Variants in ELOB observed in about 807,000 individuals in gnomAD.
ELOB encodes the protein elongin B, also known as elongin-B.
ELOB carries 3 observed loss-of-function variants against 12.9 expected under a neutral mutation model. The observed-to-expected ratio is 0.23, with a 90% CI of 0.11 to 0.60. ELOB has a LOEUF of 0.60. ELOB is among the 20% of genes least tolerant of loss of function. ELOB has a pLI of 0.89. For synonymous variants in ELOB, 84 were observed against 67.4 expected, an observed-to-expected ratio of 1.25 and a Z score of -1.21; for missense variants, 126 against 159.2, an observed-to-expected ratio of 0.79 and a Z score of 1.12.
intron 2 of ELOB, 75 bp from the exon 3 acceptor site, chr16:2,775,631 CG>C: frequency 8.1e-7 from 1 of 1,233,508 alleles, no homozygotes; most frequent in Non-Finnish European, 1.1e-6. Context: ...AGCAACTACA[CG>C]GGAAGTCAGA....
intron 2 of ELOB, 41 bp downstream of exon 2, chr16:2,776,952 C>A: frequency 6.5e-7 from 1 of 1,533,068 alleles, no homozygotes; most frequent in Non-Finnish European, 8.8e-7. Context: ...CCGTGCCCGG[C>A]GCCGGGTACC....
chr16:2,773,337 G>A (rs2068780089), intron 3 of ELOB, among the ~76,000 whole-genome samples: 1 of 152,122 alleles, frequency 6.6e-6, no homozygotes. Flanking sequence ...AACCCACACA[G>A]CAATCCAGCC....
At chr16:2,775,934 C>T (rs922425589) in intron 2 of ELOB, among the ~76,000 whole-genome samples, 1 of 152,124 alleles carries the variant, frequency 6.6e-6, no homozygotes, top group African/African-American at 2.4e-5. Context: ...CATGCAGTGG[C>T]ACAGACCCAA....
At position 2,771,627 on chromosome 16, in the gene ELOB, G is replaced by T. The variant is rs759967585; in HGVS notation, c.*363C>A. ...AGGCTATGGGGGTGGGGGGCACTTA[G>T]AAGGAGAAAGGCCTAAAACTGGAAT... On this transcript the variant is annotated 3_prime_UTR_variant, in exon 4 of 4. Transcript: ENST00000409906. The T allele has an allele frequency of 6.2e-7, 1 of 1,613,642 alleles. No individual in the cohort carries two copies. The highest frequency in any genetic ancestry group is 8.5e-7 in the Non-Finnish European group (1 of 1,179,918).
At chr16:2,775,651 G>C (rs1186549382) in intron 2 of ELOB, 95 bp from the exon 3 acceptor site, 2 of 925,678 alleles carry the variant, frequency 2.2e-6, no homozygotes, top group African/African-American at 3.3e-5. Flanking sequence ...GAGGAGGGAA[G>C]AGAGAGTTCC....
chr16:2,777,080 G>T lies in ELOB; in HGVS notation c.51C>A (p.Asp17Glu), dbSNP rs1253114692. ...IRRHKTTIFT[D>E]AKESSTVFEL... ...CGAACACCGTGCTGGACTCCTTGGC[G>T]TCCGTGAAGATGGTGGTCTTGTGGC... Residue 17 changes from aspartate (D) to glutamate (E), a missense_variant, in exon 2 of 4, where the codon GAC (aspartate) becomes GAA (glutamate). Asp to Glu is a conservative substitution (Grantham distance 45). Transcript: ENST00000409906. 4 of 1,600,778 alleles carry T rather than the reference G, an allele frequency of 2.5e-6. No individual in the cohort carries two copies. Among genetic ancestry groups the T allele is most frequent in the Non-Finnish European group, 3.4e-6 (4 of 1,175,418 alleles).
chr16:2,772,363 C>A, intron 3 of ELOB: 1 of 296,298 alleles, frequency 3.4e-6, no homozygotes, highest in Admixed American at 4.8e-5. Flanking sequence ...CCTCATCTTC[C>A]ATGTCCACTA....
chr16:2,776,213 T>C (rs1264849561), intron 2 of ELOB, among the ~76,000 whole-genome samples: 1 of 152,184 alleles, frequency 6.6e-6, no homozygotes, highest in Non-Finnish European at 1.5e-5. Context: ...GGCACGGTCA[T>C]TTAATATTTG....
rs1058855 is a variant in ELOB at position 2,771,762 on chromosome 16, C to G, written c.*228G>C. On this transcript the variant is annotated 3_prime_UTR_variant, in exon 4 of 4. Transcript: ENST00000409906. Reference sequence around the variant, plus strand: ...TAGCTGCTAACAATGGCTTGGGTCTCAGGGCAACCCAGGTCCCCATGGTGC... The same window carrying G: ...TAGCTGCTAACAATGGCTTGGGTCTGAGGGCAACCCAGGTCCCCATGGTGC... The G allele has an allele frequency of 0.35, 517,598 of 1,483,440 alleles. 92,366 individuals carry two copies. The highest frequency in any genetic ancestry group is 0.38 in the Admixed American group (16,218 of 42,378). The allele number at this position is 1,483,440 out of a possible 1,614,324, so 91.9% of individuals were successfully genotyped here.
intron 2 of ELOB, among the ~76,000 whole-genome samples, chr16:2,776,326 A>T (rs751671820): frequency 6.6e-6 from 1 of 152,140 alleles, no homozygotes; most frequent in Non-Finnish European, 1.5e-5. Context: ...CCAGCTCTAG[A>T]ATCTGAACAA....
rs1200444647 is a variant in ELOB at position 2,771,858 on chromosome 16, C to T, written c.*132G>A. ...TCTGGGAGACAGGACAGCACAGGAA[C>T]TGCCAAGCACAAGCCCCAAAAGGAG... On this transcript the variant is annotated 3_prime_UTR_variant, in exon 4 of 4. Transcript: ENST00000409906. The T allele has an allele frequency of 8.2e-6, 12 of 1,461,278 alleles. No individual in the cohort carries two copies. The highest frequency in any genetic ancestry group is 5.1e-4 in the Middle Eastern group (2 of 3,948). The allele number at this position is 1,461,278 out of a possible 1,614,324, so 90.5% of individuals were successfully genotyped here.
chr16:2,771,890 G>C lies in ELOB; in HGVS notation c.*100C>G, dbSNP rs1264305062. 1.3e-6 allele frequency: 2 copies of C among 1,488,060 alleles called. No individual in the cohort carries two copies. Among genetic ancestry groups the C allele is most frequent in the Non-Finnish European group, 1.8e-6 (2 of 1,116,652 alleles). The allele number at this position is 1,488,060 out of a possible 1,614,324, so 92.2% of individuals were successfully genotyped here. A position where few individuals can be genotyped will look rare whatever the true frequency, so the allele number is the denominator to read the frequency against. The stretch of plus-strand genomic sequence containing the variant: ...GCACAAGCCCCAAAAGGAGCCCACA[G>C]GGAGTGGGACCCATCCCAGGGAGGG... On this transcript the variant is annotated 3_prime_UTR_variant, in exon 4 of 4. Coordinates refer to ENST00000409906, the MANE Select transcript of ELOB (RefSeq NM_007108.4).
intron 3 of ELOB, 70 bp downstream of exon 3, chr16:2,775,381 G>T: frequency 8.6e-7 from 1 of 1,157,748 alleles, no homozygotes; most frequent in Non-Finnish European, 1.2e-6. Context: ...GCTCCCTGAT[G>T]ACCTTCTTTG....
chr16:2,776,404 A>C (rs141375414), intron 2 of ELOB, among the ~76,000 whole-genome samples: 1 of 152,172 alleles, frequency 6.6e-6, no homozygotes, highest in East Asian at 1.9e-4. Flanking sequence ...TGACTCCCCA[A>C]TGCAGACCCC....
chr16:2,773,155 T>C (rs2068777725), intron 3 of ELOB, among the ~76,000 whole-genome samples: 2 of 152,062 alleles, frequency 1.3e-5, no homozygotes, highest in Non-Finnish European at 2.9e-5. Flanking sequence ...TTCTTCCAGC[T>C]AGGAGACCCA....
At position 2,771,714 on chromosome 16, in the gene ELOB, CTGGCG is replaced by C; in HGVS notation, c.*271_*275del. The C allele has an allele frequency of 6.4e-7, 1 of 1,562,674 alleles. No homozygotes were observed. Among genetic ancestry groups the C allele is most frequent in the South Asian group, 1.2e-5 (1 of 82,788 alleles). On this transcript the variant is annotated 3_prime_UTR_variant, in exon 4 of 4. Coordinates refer to ENST00000409906, the MANE Select transcript of ELOB (RefSeq NM_007108.4). ...CTCCCAGTCCTTCCCTTTCCTCCCC[CTGGCG>C]TGGTTGGTGTGGCTGGCTAGCTGCT...
chr16:2,776,865 C>T (rs1263490868), intron 2 of ELOB, 128 bp downstream of exon 2: 1 of 1,312,386 alleles, frequency 7.6e-7, no homozygotes, highest in Admixed American at 2.6e-5. Context: ...CAACGGATGT[C>T]CCAGTCCCGC....
In ELOB at chr16:2,771,592, G is replaced by A; in HGVS notation, c.*398C>T. 1 of 1,614,184 alleles carries A rather than the reference G, an allele frequency of 6.2e-7. No individual in the cohort carries two copies. The highest frequency in any genetic ancestry group is 1.3e-5 in the African/African-American group (1 of 75,036). ...TTCTGCTCTTGGCCATCGTCTGGGA[G>A]TGGACATGCAGGCTATGGGGGTGGG... On this transcript the variant is annotated 3_prime_UTR_variant, in exon 4 of 4. Coordinates refer to ENST00000409906, the MANE Select transcript of ELOB (RefSeq NM_007108.4).
intron 1 of ELOB, 47 bp downstream of exon 1, chr16:2,777,190 C>A (rs982696698): frequency 2.4e-5 from 24 of 1,010,424 alleles, no homozygotes; most frequent in Non-Finnish European, 7.1e-6. Flanking sequence ...AGCCGCCCCC[C>A]GCCGCCCCCG....
Sources: gnomAD v4.1 joint callset for allele counts (sites outside exome capture counted in the v4.1 genomes callset) on GRCh38, gnomAD v4.1.1 for gene constraint, MANE v1.5 for transcripts, NCBI Gene and HGNC (gene_info 2026-07-23, HGNC 2026-07-21) for gene names.